Variants in FANCB observed in about 807,000 individuals in gnomAD.
FANCB encodes the protein FA complementation group B.
In FANCB, 5 loss-of-function variants were observed where a neutral mutation model predicts 38.9. That is an observed-to-expected ratio of 0.13 (90% CI 0.07 to 0.27). FANCB has a LOEUF of 0.27. FANCB is among the 10% of genes least tolerant of loss of function. The probability of loss-of-function intolerance (pLI) is 1.00; values close to 1 mark genes in which losing one functional copy is unlikely to be tolerated. For synonymous variants in FANCB, 236 were observed against 215.4 expected, an observed-to-expected ratio of 1.10 and a Z score of -0.84; for missense variants, 573 against 602.7, an observed-to-expected ratio of 0.95 and a Z score of 0.52.
the FANCB span, among the ~76,000 whole-genome samples, chrX:14,825,925 T>A: frequency 2.7e-5 from 3 of 112,226 alleles, no homozygotes; most frequent in East Asian, 5.6e-4. Context: ...TCTTCCTAAA[T>A]CCTGAAGGCT....
the FANCB span, chrX:14,731,576 C>T: frequency 8.9e-6 from 1 of 111,752 alleles, no homozygotes; most frequent in Admixed American, 9.6e-5. Flanking sequence ...CCTTAACTAA[C>T]TTAAAGAATT....
chrX:14,749,444 T>A, the FANCB span, among the ~76,000 whole-genome samples: 17 of 111,244 alleles, frequency 1.5e-4, no homozygotes, highest in African/African-American at 5.6e-4. Flanking sequence ...CTCCCTTATA[T>A]GACCATATTG....
the FANCB span, among the ~76,000 whole-genome samples, chrX:14,738,908 A>G: frequency 1.8e-5 from 2 of 112,348 alleles, no homozygotes; most frequent in Non-Finnish European, 1.9e-5. Context: ...TTAATATCAA[A>G]TAAGAAGGTT....
At chrX:14,739,523 G>A in the FANCB span, among the ~76,000 whole-genome samples, 1 of 112,045 alleles carries the variant, frequency 8.9e-6, no homozygotes, top group Non-Finnish European at 1.9e-5. Flanking sequence ...CATGAATGAC[G>A]AAATAAATGT....
At chrX:14,872,402 C>T (rs879114174) in intron 1 of FANCB, among the ~76,000 whole-genome samples, 2 of 111,944 alleles carry the variant, frequency 1.8e-5, no homozygotes, top group East Asian at 2.8e-4. Context: ...TTTTAACTGA[C>T]GAATAAAATT....
Position 14,864,694 on chromosome X carries a change from G to C in FANCB, c.817C>G (p.Pro273Ala), listed in dbSNP as rs1230456244. The C allele has an allele frequency of 1.7e-6, 2 of 1,210,811 alleles. No individual in the cohort carries two copies. Among genetic ancestry groups the C allele is most frequent in the Non-Finnish European group, 2.2e-6 (2 of 894,581 alleles). The change falls in exon 3 of 10, where the codon CCT becomes GCT. Residue 273 changes from proline (P) to alanine (A), a missense_variant. Transcript: ENST00000650831. ...NQLISFQNGT[P>A]KNVCQLPFGD... ...AATGGAAGCTGGCACACATTTTTAG[G>C]AGTTCCATTCTGAAATGAAATCAGC...
chrX:14,804,484 T>C, the FANCB span, among the ~76,000 whole-genome samples: 1 of 110,654 alleles, frequency 9.0e-6, no homozygotes, highest in Admixed American at 9.6e-5. Flanking sequence ...GGGCCTGTTG[T>C]GGGGTGAGGG....
chrX:14,796,117 C>T, the FANCB span, among the ~76,000 whole-genome samples: 5 of 111,277 alleles, frequency 4.5e-5, no homozygotes, highest in Non-Finnish European at 7.5e-5. Flanking sequence ...GCTGTGTAAC[C>T]AATTGCCACA....
chrX:14,835,505 A>C (rs2092338858), downstream of FANCB, among the ~76,000 whole-genome samples: 1 of 111,953 alleles, frequency 8.9e-6, no homozygotes, highest in Non-Finnish European at 1.9e-5. Flanking sequence ...AATAACCTAG[A>C]GGGCTTGTTA....
chrX:14,787,374 G>C, the FANCB span, among the ~76,000 whole-genome samples: 2 of 110,214 alleles, frequency 1.8e-5, no homozygotes, highest in South Asian at 7.9e-4. Context: ...CAGGGGATGA[G>C]GGTGGGGGTG....
chrX:14,789,589 G>C, the FANCB span, among the ~76,000 whole-genome samples: 1 of 112,265 alleles, frequency 8.9e-6, no homozygotes, highest in East Asian at 2.8e-4. Flanking sequence ...GAGGAATAAG[G>C]GTTGTCTTTC....
the FANCB span, among the ~76,000 whole-genome samples, chrX:14,809,127 T>C: frequency 1.1e-4 from 12 of 112,241 alleles, no homozygotes; most frequent in Non-Finnish European, 2.1e-4. Context: ...AATCTATAGA[T>C]TCAATGCAAG....
At chrX:14,858,040 A>G in intron 4 of FANCB, 86 bp from the exon 5 acceptor site, 3 of 607,529 alleles carry the variant, frequency 4.9e-6, no homozygotes, top group Non-Finnish European at 8.1e-6. Context: ...ATACAATTAA[A>G]GTATATCCAG....
At chrX:14,709,345 T>A in the FANCB span, among the ~76,000 whole-genome samples, 1 of 112,030 alleles carries the variant, frequency 8.9e-6, no homozygotes, top group African/African-American at 3.3e-5. Context: ...AACAATTAGA[T>A]CAACAGATAC....
Position 14,864,589 on chromosome X carries a change from C to T in FANCB, c.922G>A (p.Ala308Thr). Residue 308 changes from alanine (A) to threonine (T), a missense_variant, in exon 3 of 10, where the codon GCT becomes ACT. Transcript: ENST00000650831. ...AAGCTCTCTTTCCATACAGCACAAG[C>T]ATTATTGGATATAAAGGATACAACG... is the stretch of plus-strand genomic sequence containing the variant. ...FFVVSFISNN[A>T]CAVWKESFQV... 2 of 1,194,866 alleles carry T rather than the reference C, an allele frequency of 1.7e-6. No homozygotes were observed. Among genetic ancestry groups the T allele is most frequent in the Non-Finnish European group, 2.3e-6 (2 of 880,131 alleles).
chrX:14,814,410 T>A, the FANCB span, among the ~76,000 whole-genome samples: 13 of 112,020 alleles, frequency 1.2e-4, no homozygotes, highest in Admixed American at 3.8e-4. Flanking sequence ...GGGAGAAAAT[T>A]TCTGCAATCT....
At chrX:14,804,335 G>A in the FANCB span, among the ~76,000 whole-genome samples, 1 of 111,985 alleles carries the variant, frequency 8.9e-6, no homozygotes, top group Non-Finnish European at 1.9e-5. Context: ...TCCTTTGTAG[G>A]GACAAGGAGG....
chrX:14,750,584 G>T, the FANCB span, among the ~76,000 whole-genome samples: 33 of 111,029 alleles, frequency 3.0e-4, no homozygotes, highest in African/African-American at 1.0e-3. Flanking sequence ...GGTAGAAAAC[G>T]TTGTTCCTGG....
the FANCB span, among the ~76,000 whole-genome samples, chrX:14,767,153 C>T: frequency 1.8e-5 from 2 of 111,945 alleles, no homozygotes; most frequent in South Asian, 3.8e-4. Context: ...TGAACATACA[C>T]GTGCATGTAT....
Sources: gnomAD v4.1 joint callset for allele counts (sites outside exome capture counted in the v4.1 genomes callset) on GRCh38, gnomAD v4.1.1 for gene constraint, MANE v1.5 for transcripts, NCBI Gene and HGNC (gene_info 2026-07-23, HGNC 2026-07-21) for gene names.